Variants in FAM13A observed in about 807,000 individuals in gnomAD.
FAM13A encodes family with sequence similarity 13 member A.
A neutral mutation model predicts 129.6 loss-of-function variants in FAM13A; 76 were observed. That is an observed-to-expected ratio of 0.59 (90% CI 0.49 to 0.71). The LOEUF (loss-of-function observed/expected upper bound fraction) is 0.71. FAM13A is among the 30% of genes least tolerant of loss of function. The probability of loss-of-function intolerance (pLI) is 0.00; values close to 1 mark genes in which losing one functional copy is unlikely to be tolerated. For missense variants in FAM13A, 1,108 were observed against 1,249.3 expected, an observed-to-expected ratio of 0.89 and a Z score of 1.70; for synonymous variants, 443 against 449.9, an observed-to-expected ratio of 0.98 and a Z score of 0.20.
At chr4:89,003,249 TTTAAG>T (rs1764509985) in intron 3 of FAM13A, among the ~76,000 whole-genome samples, 1 of 150,920 alleles carries the variant, frequency 6.6e-6, no homozygotes, top group African/African-American at 2.4e-5. Flanking sequence ...TTACTTTTTT[TTTAAG>T]TTAACAGTGG....
intron 1 of FAM13A, among the ~76,000 whole-genome samples, chr4:89,043,076 T>C (rs946494607): frequency 7.2e-5 from 11 of 152,190 alleles, no homozygotes; most frequent in African/African-American, 2.7e-4. Flanking sequence ...GCAGACATCA[T>C]ATCAGCACTG....
chr4:88,897,635 T>G (rs1746577856), intron 6 of FAM13A, among the ~76,000 whole-genome samples: 2 of 152,136 alleles, frequency 1.3e-5, no homozygotes, highest in Admixed American at 1.3e-4. Flanking sequence ...TAAAGATGTC[T>G]GAGAAAGACA....
intron 1 of FAM13A, among the ~76,000 whole-genome samples, chr4:89,051,647 A>G (rs963163345): frequency 8.5e-5 from 13 of 152,158 alleles, no homozygotes. Flanking sequence ...GGTACAATTC[A>G]TACTGAGGCA....
At chr4:88,952,839 T>C (rs1757153130) in intron 4 of FAM13A, among the ~76,000 whole-genome samples, 1 of 152,010 alleles carries the variant, frequency 6.6e-6, no homozygotes, top group Non-Finnish European at 1.5e-5. Flanking sequence ...TCCCAGCTAC[T>C]CAGGAGGCTG....
intron 6 of FAM13A, among the ~76,000 whole-genome samples, chr4:88,884,077 C>T (rs1247915978): frequency 3.3e-5 from 5 of 152,000 alleles, no homozygotes; most frequent in African/African-American, 7.2e-5. Context: ...TTCTGTCAGA[C>T]ATTCAAAGAA....
At chr4:88,752,399 AG>A (rs1461791667) in intron 14 of FAM13A, among the ~76,000 whole-genome samples, 2 of 152,220 alleles carry the variant, frequency 1.3e-5, no homozygotes, top group Non-Finnish European at 2.9e-5. Flanking sequence ...TATAATAGGG[AG>A]GATAAGCACA....
intron 11 of FAM13A, among the ~76,000 whole-genome samples, chr4:88,771,151 A>ATTTTT (rs10674716): frequency 0.54 from 76,905 of 143,032 alleles, 23,290 homozygotes; most frequent in Non-Finnish European, 0.7. Context: ...CCCGGAAAGC[A>ATTTTT]TTTTTTTTTT....
At chr4:88,967,788 T>C (rs1467135756) in intron 4 of FAM13A, among the ~76,000 whole-genome samples, 1 of 152,004 alleles carries the variant, frequency 6.6e-6, no homozygotes. Context: ...GGGCAGGAGG[T>C]TGGTAATGGG....
chr4:88,812,107 T>A (rs913518311), intron 7 of FAM13A, among the ~76,000 whole-genome samples: 4 of 152,118 alleles, frequency 2.6e-5, no homozygotes, highest in Admixed American at 1.3e-4. Flanking sequence ...TTGTCAGATA[T>A]GAGACCTTTG....
chr4:88,870,292 GTGC>G (rs1469430688), intron 6 of FAM13A, among the ~76,000 whole-genome samples: 3 of 152,204 alleles, frequency 2.0e-5, no homozygotes, highest in Non-Finnish European at 4.4e-5. Context: ...TGGACAGTGG[GTGC>G]AGCCCACGGA....
chr4:88,787,780 T>C lies in FAM13A; in HGVS notation c.1244A>G (p.Gln415Arg). The C allele has an allele frequency of 6.2e-7, 1 of 1,613,600 alleles. No individual in the cohort carries two copies. Among genetic ancestry groups the C allele is most frequent in the Non-Finnish European group, 8.5e-7 (1 of 1,179,656 alleles). Reference sequence around the variant, plus strand: ...GTCTCTCCCATGTCGAACTTCATCCTGCTCCTTGGACTGGCGGCGGCGCTG... The same window carrying C: ...GTCTCTCCCATGTCGAACTTCATCCCGCTCCTTGGACTGGCGGCGGCGCTG... ...ARQRRRQSKE[Q>R]DEVRHGRDKG... is the part of the protein sequence containing the mutation. The change falls in exon 10 of 24, where the codon CAG (glutamine) becomes CGG (arginine). Residue 415 changes from glutamine (Q) to arginine (R), a missense_variant. By Grantham distance (43) the Gln-to-Arg change is conservative. This residue lies in a region of FAM13A where 566 missense variants were observed against 595.7 expected (regional missense o/e 0.95). Transcript: ENST00000264344.
chr4:88,912,597 ACACACACCT>A (rs1293726404), intron 5 of FAM13A, among the ~76,000 whole-genome samples: 2 of 149,852 alleles, frequency 1.3e-5, no homozygotes, highest in Non-Finnish European at 3.0e-5. Flanking sequence ...ACACACACAC[ACACACACCT>A]CCTATTGGTT....
chr4:88,774,046 C>G (rs1425281711), intron 11 of FAM13A, among the ~76,000 whole-genome samples: 1 of 152,182 alleles, frequency 6.6e-6, no homozygotes. Flanking sequence ...CCTCTCAACT[C>G]TGTTCTAACC....
chr4:88,929,090 TTGTC>T (rs1391332392), intron 5 of FAM13A, among the ~76,000 whole-genome samples: 5 of 152,184 alleles, frequency 3.3e-5, no homozygotes, highest in African/African-American at 4.8e-5. Flanking sequence ...TGGTGACAGA[TTGTC>T]TGAGCATTTG....
intron 2 of FAM13A, among the ~76,000 whole-genome samples, chr4:89,025,374 C>G (rs1281186463): frequency 6.7e-6 from 1 of 149,324 alleles, no homozygotes; most frequent in African/African-American, 2.5e-5. Context: ...ACGCCATTCT[C>G]CTGCCTCAGC....
chr4:89,020,209 T>G (rs751285386), intron 3 of FAM13A, among the ~76,000 whole-genome samples: 15 of 151,880 alleles, frequency 9.9e-5, no homozygotes, highest in Non-Finnish European at 2.1e-4. Flanking sequence ...ACCACAAATA[T>G]TTAAAAACTT....
intron 6 of FAM13A, among the ~76,000 whole-genome samples, chr4:88,901,105 A>G (rs1023605801): frequency 6.6e-6 from 1 of 152,218 alleles, no homozygotes; most frequent in African/African-American, 2.4e-5. Context: ...TATCCTAAAT[A>G]TATATGCACC....
At chr4:89,020,428 T>C in intron 3 of FAM13A, 32 bp downstream of exon 3, 1 of 1,562,046 alleles carries the variant, frequency 6.4e-7, no homozygotes. Context: ...AGTAAAGTTG[T>C]TTTAACTCCT....
chr4:88,948,708 C>T (rs373022201), intron 4 of FAM13A, among the ~76,000 whole-genome samples: 9 of 152,082 alleles, frequency 5.9e-5, no homozygotes, highest in African/African-American at 2.2e-4. Context: ...AGGCTGGTCT[C>T]GAACTCCCGA....
Sources: gnomAD v4.1 joint callset for allele counts (sites outside exome capture counted in the v4.1 genomes callset) on GRCh38, gnomAD v4.1.1 for gene constraint, gnomAD v4.1.1 regional missense constraint, MANE v1.5 for transcripts, NCBI Gene and HGNC (gene_info 2026-07-23, HGNC 2026-07-21) for gene names.